Variants in SMOC2 observed in about 807,000 individuals in gnomAD.
SMOC2 encodes SPARC related modular calcium binding 2.
A neutral mutation model predicts 61.4 loss-of-function variants in SMOC2; 39 were observed. That is an observed-to-expected ratio of 0.64 (90% CI 0.49 to 0.83). SMOC2 has a LOEUF of 0.83. Ranked by LOEUF, SMOC2 falls within the 40% of genes least tolerant of loss-of-function variation. SMOC2 has a pLI of 0.00. For synonymous variants in SMOC2, 247 were observed against 239.9 expected, an observed-to-expected ratio of 1.03 and a Z score of -0.27; for missense variants, 556 against 592.9, an observed-to-expected ratio of 0.94 and a Z score of 0.65.
intron 9 of SMOC2, among the ~76,000 whole-genome samples, chr6:168,619,344 G>T (rs1317212469): frequency 7.1e-6 from 1 of 141,312 alleles, no homozygotes; most frequent in African/African-American, 2.6e-5. Context: ...CATGAAAAAG[G>T]CATCTGCCAG....
At chr6:168,513,071 C>T (rs1783047270) in intron 2 of SMOC2, among the ~76,000 whole-genome samples, 1 of 152,196 alleles carries the variant, frequency 6.6e-6, no homozygotes, top group Non-Finnish European at 1.5e-5. Context: ...AAGCATTTGA[C>T]ATTCTTTCAC....
rs1025577624 is a variant in SMOC2 at position 168,441,364 on chromosome 6, C to T, written c.-7C>T. ...GCCGATCTCCCGCTCCCGCCACCTCCGCCACCATGCTGCTCCCCCAGCTCT... is the reference window on the plus strand; with the variant it reads ...GCCGATCTCCCGCTCCCGCCACCTCTGCCACCATGCTGCTCCCCCAGCTCT... On this transcript the variant is annotated 5_prime_UTR_variant, in exon 1 of 13. Transcript: ENST00000356284. The T allele has an allele frequency of 2.0e-6, 3 of 1,502,728 alleles. No individual in the cohort carries two copies. The highest frequency in any genetic ancestry group is 2.8e-5 in the East Asian group (1 of 35,530). The allele number at this position is 1,502,728 out of a possible 1,614,324, so 93.1% of individuals were successfully genotyped here.
intron 1 of SMOC2, among the ~76,000 whole-genome samples, chr6:168,479,278 T>C (rs9364458): frequency 0.2 from 30,364 of 151,912 alleles, 3,900 homozygotes; most frequent in East Asian, 0.45. Flanking sequence ...GTTCGATTTG[T>C]ACTTGTGAGC....
At chr6:168,599,153 C>CCA (rs570119907) in intron 8 of SMOC2, 149 bp downstream of exon 8, 13 of 696,460 alleles carry the variant, frequency 1.9e-5, no homozygotes, top group African/African-American at 7.5e-5. Flanking sequence ...ACACACATAC[C>CCA]CACACACACC....
intron 9 of SMOC2, among the ~76,000 whole-genome samples, chr6:168,649,409 G>A (rs1292472479): frequency 6.6e-6 from 1 of 152,150 alleles, no homozygotes; most frequent in Non-Finnish European, 1.5e-5. Flanking sequence ...AGAGCCCCAG[G>A]GAGAGGCAGC....
chr6:168,483,519 A>G (rs541788449), intron 1 of SMOC2, among the ~76,000 whole-genome samples: 54 of 152,282 alleles, frequency 3.5e-4, no homozygotes, highest in African/African-American at 1.3e-3. Flanking sequence ...TAAGATGTCC[A>G]TACTACTCAA....
chr6:168,455,319 C>T (rs1237625424), intron 1 of SMOC2, among the ~76,000 whole-genome samples: 1 of 152,204 alleles, frequency 6.6e-6, no homozygotes, highest in African/African-American at 2.4e-5. Flanking sequence ...ATCAACTCAA[C>T]ATTTTCCTGT....
chr6:168,580,437 G>A (rs1456440625), intron 7 of SMOC2, among the ~76,000 whole-genome samples: 1 of 152,222 alleles, frequency 6.6e-6, no homozygotes, highest in Non-Finnish European at 1.5e-5. Context: ...TCACTGGTGT[G>A]AATATGAATT....
At chr6:168,468,020 T>C (rs897819780) in intron 1 of SMOC2, among the ~76,000 whole-genome samples, 2 of 152,196 alleles carry the variant, frequency 1.3e-5, no homozygotes, top group Admixed American at 1.3e-4. Flanking sequence ...CCAAGTGTTG[T>C]TTTGTTTTTA....
chr6:168,639,916 G>A (rs1786848668), intron 9 of SMOC2, among the ~76,000 whole-genome samples: 1 of 152,226 alleles, frequency 6.6e-6, no homozygotes, highest in Non-Finnish European at 1.5e-5. Flanking sequence ...CTCCTGAGAG[G>A]GAGCCCTCGG....
At chr6:168,623,036 C>G (rs1251775528) in intron 9 of SMOC2, among the ~76,000 whole-genome samples, 2 of 152,228 alleles carry the variant, frequency 1.3e-5, no homozygotes, top group African/African-American at 2.4e-5. Context: ...GAGTTTCTGA[C>G]TTCCGTAGCT....
At chr6:168,648,705 C>A (rs1377115727) in intron 9 of SMOC2, among the ~76,000 whole-genome samples, 1 of 152,176 alleles carries the variant, frequency 6.6e-6, no homozygotes, top group South Asian at 2.1e-4. Context: ...CTAACACAGA[C>A]CTTTTTGCAC....
At chr6:168,542,383 C>T (rs961235173) in intron 4 of SMOC2, among the ~76,000 whole-genome samples, 5 of 152,184 alleles carry the variant, frequency 3.3e-5, no homozygotes, top group Non-Finnish European at 7.3e-5. Context: ...GAGAGAAAGG[C>T]TGGCTTTGGC....
At chr6:168,548,714 T>G (rs1784064146) in intron 6 of SMOC2, among the ~76,000 whole-genome samples, 1 of 152,192 alleles carries the variant, frequency 6.6e-6, no homozygotes, top group Non-Finnish European at 1.5e-5. Flanking sequence ...GGGGTGTTCC[T>G]GAAAAGTTTC....
At position 168,667,231 on chromosome 6, in the gene SMOC2, C is replaced by A. The variant is rs1018048392; in HGVS notation, c.*793C>A. 15 of 152,174 alleles carry A rather than the reference C, an allele frequency of 9.9e-5. No homozygotes were observed. Among genetic ancestry groups the A allele is most frequent in the Admixed American group, 6.5e-4 (10 of 15,284 alleles). The allele number at this position is 152,174 out of a possible 1,614,324, so 9.4% of individuals were successfully genotyped here. A position where few individuals can be genotyped will look rare whatever the true frequency, so the allele number is the denominator to read the frequency against. ...TCCTTCCAAAATGTAAATCCAGTCG[C>A]GGTGTGACCGAGCTGGCTAACAGGC... On this transcript the variant is annotated 3_prime_UTR_variant, in exon 13 of 13. Transcript: ENST00000356284.
At chr6:168,618,073 T>C (rs549640206) in intron 9 of SMOC2, among the ~76,000 whole-genome samples, 1 of 152,330 alleles carries the variant, frequency 6.6e-6, no homozygotes, top group South Asian at 2.1e-4. Flanking sequence ...TCCTATGGCG[T>C]GTTATTAGCC....
At chr6:168,520,531 A>G (rs1470820344) in intron 2 of SMOC2, among the ~76,000 whole-genome samples, 1 of 152,250 alleles carries the variant, frequency 6.6e-6, no homozygotes, top group Non-Finnish European at 1.5e-5. Flanking sequence ...GGCCGTGGCC[A>G]TAATCATAGC....
intron 11 of SMOC2, among the ~76,000 whole-genome samples, chr6:168,653,858 C>T (rs372903436): frequency 4.9e-4 from 56 of 113,602 alleles, no homozygotes; most frequent in Middle Eastern, 5.7e-3. Context: ...ACCAACCCTG[C>T]ACCTGAGCTC....
At chr6:168,464,625 A>G (rs376089243) in intron 1 of SMOC2, among the ~76,000 whole-genome samples, 1 of 152,120 alleles carries the variant, frequency 6.6e-6, no homozygotes, top group African/African-American at 2.4e-5. Context: ...GCCAGAATCA[A>G]CTATGGTAGT....
Sources: allele counts gnomAD v4.1 joint callset (sites outside exome capture counted in the v4.1 genomes callset), GRCh38; gene constraint gnomAD v4.1.1; transcripts MANE v1.5; gene names NCBI Gene and HGNC (gene_info 2026-07-23, HGNC 2026-07-21).